The following UBE2K variants were observed in gnomAD, a reference collection of about 807,000 sequenced individuals.
The protein encoded by UBE2K is ubiquitin conjugating enzyme E2 K, also known as ubiquitin-conjugating enzyme E2 K.
UBE2K carries 6 observed loss-of-function variants against 30.0 expected under a neutral mutation model. The ratio of observed to expected loss-of-function variants is 0.20; its 90% CI spans 0.11 to 0.39. The LOEUF (loss-of-function observed/expected upper bound fraction) is 0.39, where lower values mean the gene tolerates loss of function less well. Ranked by LOEUF, UBE2K falls within the 10% of genes least tolerant of loss-of-function variation. The pLI, the probability that UBE2K is intolerant of heterozygous loss-of-function variation, is 1.00. For missense variants in UBE2K, 61 were observed against 241.6 expected, an observed-to-expected ratio of 0.25 and a Z score of 4.96; for synonymous variants, 86 against 83.7, an observed-to-expected ratio of 1.03 and a Z score of -0.15.
At chr4:39,775,940 C>T (rs923669010) in intron 5 of UBE2K, among the ~76,000 whole-genome samples, 2 of 152,036 alleles carry the variant, frequency 1.3e-5, no homozygotes, top group African/African-American at 2.4e-5. Context: ...AAATGTAGTT[C>T]CTCAGTTCTG....
intron 4 of UBE2K, among the ~76,000 whole-genome samples, chr4:39,764,557 C>G (rs1029925033): frequency 2.0e-5 from 3 of 151,946 alleles, no homozygotes. Context: ...AGCATTCTTC[C>G]CACCTCAGCT....
chr4:39,722,235 C>T (rs1719464393), intron 1 of UBE2K, among the ~76,000 whole-genome samples: 1 of 151,910 alleles, frequency 6.6e-6, no homozygotes. Context: ...CTTTTTTTCT[C>T]ATCTCATTAA....
intron 2 of UBE2K, among the ~76,000 whole-genome samples, chr4:39,739,232 C>T (rs1720541456): frequency 1.3e-5 from 2 of 150,488 alleles, no homozygotes; most frequent in Admixed American, 1.3e-4. Context: ...GGTGTTTCAC[C>T]GTGTTAGCCA....
In UBE2K at chr4:39,774,644, T is replaced by C. The variant is rs1176807203; in HGVS notation, c.300-190T>C. ...AAAAAAGAAAAAAGAAATAGGCAAA[T>C]TGTAAAGTAAGGAAGAAAATATATG... On this transcript the variant is annotated intron_variant, in intron 4 of 6. Coordinates refer to ENST00000261427, the MANE Select transcript of UBE2K (RefSeq NM_005339.5). 2.6e-5 allele frequency among the ~76,000 whole-genome samples: 4 copies of C among 151,740 alleles called. No individual in the cohort carries two copies. The South Asian group carries it at 8.3e-4, about 32-fold the overall frequency.
In UBE2K at chr4:39,698,216, T is replaced by C. The variant is rs557766478; in HGVS notation, c.-112T>C. 9.7e-7 allele frequency: 1 copy of C among 1,030,270 alleles called. No individual in the cohort carries two copies. The highest frequency in any genetic ancestry group is 1.6e-5 in the African/African-American group (1 of 63,218). 63.8% of individuals were successfully genotyped at this position (1,030,270 alleles called of 1,614,324 possible). ...CGGGGTGGTAGTGGCAGTGTTCGTGTGCTCAGGTCTGAATCGCCGAGGGAG... is the reference window on the plus strand; with the variant it reads ...CGGGGTGGTAGTGGCAGTGTTCGTGCGCTCAGGTCTGAATCGCCGAGGGAG... On this transcript the variant is annotated 5_prime_UTR_variant, in exon 1 of 7. Coordinates refer to ENST00000261427, the MANE Select transcript of UBE2K (RefSeq NM_005339.5).
In UBE2K at chr4:39,778,574, A is replaced by G. The variant is rs1713416259; in HGVS notation, c.*140A>G. 2 of 278,070 alleles carry G rather than the reference A, an allele frequency of 7.2e-6. No individual in the cohort carries two copies. Among genetic ancestry groups the G allele is most frequent in the Non-Finnish European group, 1.4e-5 (2 of 146,684 alleles). 17.2% of individuals were successfully genotyped at this position (278,070 alleles called of 1,614,324 possible). On this transcript the variant is annotated 3_prime_UTR_variant, in exon 7 of 7. Transcript: ENST00000261427. ...GTTATCTAGGCACCATTGGAGACTG[A>G]AAAAAAAAAATCCCTGCTCTGTAAA...
chr4:39,748,424 T>C (rs1721088585), intron 3 of UBE2K, among the ~76,000 whole-genome samples: 2 of 152,058 alleles, frequency 1.3e-5, no homozygotes, highest in Non-Finnish European at 2.9e-5. Flanking sequence ...AAAAATAGAC[T>C]CAAAACATAA....
chr4:39,724,924 C>T (rs1265238176), intron 1 of UBE2K, among the ~76,000 whole-genome samples: 3 of 152,118 alleles, frequency 2.0e-5, no homozygotes, highest in Admixed American at 6.6e-5. Context: ...CTAATATTTC[C>T]TCCAGTGTTC....
rs1328519142 is a variant in UBE2K, at chr4:39,728,002, T to G, written c.64-9418T>G. 2.6e-5 allele frequency among the ~76,000 whole-genome samples: 4 copies of G among 152,084 alleles called. No homozygotes were observed. The East Asian group carries it at 7.7e-4, about 29-fold the overall frequency. On this transcript the variant is annotated intron_variant, in intron 1 of 6. Coordinates refer to ENST00000261427, the MANE Select transcript of UBE2K (RefSeq NM_005339.5). ...GTAAGAAATTAGCCAGGCGTGGTGC[T>G]GTGCGCCTGTAGTCCCAGCTACTCA...
chr4:39,771,165 G>T (rs1034343019), intron 4 of UBE2K: 7 of 1,612,894 alleles, frequency 4.3e-6, no homozygotes, highest in East Asian at 2.2e-5. Flanking sequence ...ATTCCAGGGT[G>T]CCCGTGTAGC....
intron 4 of UBE2K, chr4:39,770,853 T>C: frequency 6.5e-7 from 1 of 1,541,838 alleles, no homozygotes; most frequent in Non-Finnish European, 8.7e-7. Context: ...ATCCTCTTCC[T>C]CGGCTTTCAG....
At chr4:39,776,520 T>G (rs1713292999) in intron 5 of UBE2K, among the ~76,000 whole-genome samples, 1 of 152,170 alleles carries the variant, frequency 6.6e-6, no homozygotes, top group South Asian at 2.1e-4. Flanking sequence ...AACTCTGCTT[T>G]ATTTCCTAAA....
intron 4 of UBE2K, among the ~76,000 whole-genome samples, chr4:39,768,332 C>T (rs1417049130): frequency 6.7e-6 from 1 of 150,106 alleles, no homozygotes; most frequent in Non-Finnish European, 1.5e-5. Context: ...GTAATCCCAG[C>T]CACCCAGGAG....
intron 4 of UBE2K, among the ~76,000 whole-genome samples, chr4:39,771,562 C>T (rs1434418128): frequency 6.6e-6 from 1 of 152,086 alleles, no homozygotes; most frequent in Non-Finnish European, 1.5e-5. Flanking sequence ...AGCATGTAGG[C>T]GCAGGGCGGG....
intron 1 of UBE2K, among the ~76,000 whole-genome samples, chr4:39,711,283 C>CTCCTGCCTCAG (rs1267152261): frequency 2.7e-5 from 4 of 150,856 alleles, no homozygotes; most frequent in Non-Finnish European, 5.9e-5. Context: ...CTGCCTCAGC[C>CTCCTGCCTCAG]TCCCGAGTAT....
At chr4:39,713,337 T>C (rs963144042) in intron 1 of UBE2K, among the ~76,000 whole-genome samples, 1 of 132,092 alleles carries the variant, frequency 7.6e-6, no homozygotes, top group African/African-American at 3.0e-5. Flanking sequence ...GGCTGGAGTC[T>C]TGTTCTGGAG....
intron 1 of UBE2K, among the ~76,000 whole-genome samples, chr4:39,708,315 G>T (rs899663922): frequency 6.6e-5 from 10 of 152,088 alleles, no homozygotes; most frequent in African/African-American, 2.4e-4. Context: ...CAGAAAGGTT[G>T]CACAGCTCTT....
intron 4 of UBE2K, among the ~76,000 whole-genome samples, chr4:39,762,184 A>AAATAATAATAATAATAATAATAAT (rs138206643): frequency 2.1e-5 from 3 of 143,874 alleles, no homozygotes; most frequent in African/African-American, 5.1e-5. Context: ...CATCTCAGTA[A>AAATAATAATAATAATAATAATAAT]AATAATAATA....
intron 1 of UBE2K, among the ~76,000 whole-genome samples, chr4:39,729,819 C>T (rs761093033): frequency 8.5e-5 from 13 of 152,236 alleles, no homozygotes; most frequent in Non-Finnish European, 1.5e-4. Context: ...GTCAAGTCCT[C>T]GTTTGCCTCC....
Sources: gnomAD v4.1 joint callset for allele counts (sites outside exome capture counted in the v4.1 genomes callset) on GRCh38, gnomAD v4.1.1 for gene constraint, MANE v1.5 for transcripts, NCBI Gene and HGNC (gene_info 2026-07-23, HGNC 2026-07-21) for gene names.